CSMD1: variants seen among roughly 807,000 people sequenced by gnomAD.
CSMD1 encodes the protein CUB and sushi domain-containing protein 1.
A neutral mutation model predicts 417.5 loss-of-function variants in CSMD1; 213 were observed. That is an observed-to-expected ratio of 0.51 (90% CI 0.46 to 0.57). CSMD1 has a LOEUF of 0.57. CSMD1 is among the 20% of genes least tolerant of loss of function. The pLI, the probability that CSMD1 is intolerant of heterozygous loss-of-function variation, is 0.00. For synonymous variants in CSMD1, 2,862 were observed against 1,736.8 expected (o/e 1.65, Z -16.11); for missense variants, 6,923 against 4,529.7 (o/e 1.53, Z -15.17).
chr8:3,906,914 T>C (rs1808154276), intron 5 of CSMD1, among the ~76,000 whole-genome samples: 1 of 152,192 alleles, frequency 6.6e-6, no homozygotes, highest in Non-Finnish European at 1.5e-5. Context: ...ATCCTGAACT[T>C]GACAAGTGAA....
At chr8:3,600,246 T>C (rs1031347776) in intron 8 of CSMD1, among the ~76,000 whole-genome samples, 4 of 152,188 alleles carry the variant, frequency 2.6e-5, no homozygotes, top group African/African-American at 9.6e-5. Flanking sequence ...TCCCCATTAG[T>C]ATAAATAGGA....
At position 3,284,150 on chromosome 8, in the gene CSMD1, A is replaced by C. The variant is rs1282729890; in HGVS notation, c.4147T>G (p.Phe1383Val). Residue 1383 changes from phenylalanine to valine, a missense_variant, in exon 26 of 70, where the codon TTC (phenylalanine) becomes GTC (valine). Coordinates refer to ENST00000635120, the MANE Select transcript of CSMD1 (RefSeq NM_033225.6). Reference sequence around the variant, plus strand: ...AGCACGCTGTGCCACCTACTGGAGAACTGGATGGAGAAGCCAGACTTGCTG... The same window carrying C: ...AGCACGCTGTGCCACCTACTGGAGACCTGGATGGAGAAGCCAGACTTGCTG... ...FISKSGFSIQ[F>V]STSIAATCND... The C allele has an allele frequency of 5.8e-6, 9 of 1,562,792 alleles. No homozygotes were observed. Among genetic ancestry groups the C allele is most frequent in the Non-Finnish European group, 7.8e-6 (9 of 1,153,648 alleles).
At chr8:4,444,478 G>T (rs1035292273) in intron 2 of CSMD1, among the ~76,000 whole-genome samples, 1 of 151,228 alleles carries the variant, frequency 6.6e-6, no homozygotes, top group Non-Finnish European at 1.5e-5. Flanking sequence ...GACATAAGCA[G>T]TCGCATTCAA....
At chr8:3,389,695 T>C (rs554050539) in intron 17 of CSMD1, among the ~76,000 whole-genome samples, 1 of 152,024 alleles carries the variant, frequency 6.6e-6, no homozygotes, top group South Asian at 2.1e-4. Flanking sequence ...TTATAAACCA[T>C]AAACTAAACT....
intron 3 of CSMD1, among the ~76,000 whole-genome samples, chr8:4,046,744 T>A (rs1029003327): frequency 1.3e-5 from 2 of 152,218 alleles, no homozygotes; most frequent in African/African-American, 4.8e-5. Flanking sequence ...TTTTTTCTGT[T>A]TCCCCCATAA....
At chr8:3,486,694 G>A (rs1818054166) in intron 11 of CSMD1, among the ~76,000 whole-genome samples, 1 of 152,170 alleles carries the variant, frequency 6.6e-6, no homozygotes, top group Admixed American at 6.5e-5. Context: ...GATTCCTGTG[G>A]GACCTATGGC....
intron 1 of CSMD1, among the ~76,000 whole-genome samples, chr8:4,810,454 G>A (rs985373612): frequency 6.6e-6 from 1 of 152,026 alleles, no homozygotes; most frequent in Non-Finnish European, 1.5e-5. Context: ...TTCTTGCTTT[G>A]CCACCTAGTA....
chr8:4,684,645 G>C (rs1194906364), intron 1 of CSMD1, among the ~76,000 whole-genome samples: 2 of 152,110 alleles, frequency 1.3e-5, no homozygotes, highest in African/African-American at 4.8e-5. Context: ...TGAATGTAAG[G>C]ATTATAAGGC....
intron 1 of CSMD1, among the ~76,000 whole-genome samples, chr8:4,674,600 G>A (rs2130957208): frequency 6.6e-6 from 1 of 152,200 alleles, no homozygotes; most frequent in Middle Eastern, 3.4e-3. Flanking sequence ...AAGCTTTGGT[G>A]CAAATCAGGA....
chr8:3,699,337 GT>G (rs1800722519), intron 7 of CSMD1, among the ~76,000 whole-genome samples: 1 of 152,326 alleles, frequency 6.6e-6, no homozygotes, highest in South Asian at 2.1e-4. Context: ...AAACTAGTGT[GT>G]TTTACTGACA....
In CSMD1 at chr8:4,395,509, A is replaced by G. The variant is rs569485256; in HGVS notation, c.415+24444T>C. On this transcript the variant is annotated intron_variant, in intron 3 of 69. Coordinates refer to ENST00000635120, the MANE Select transcript of CSMD1 (RefSeq NM_033225.6). Reference sequence around the variant, plus strand: ...TACAAATCTCCACCCCTCACTCCCTACACCAGTTCCCCACCTACTGTTTTT... The same window carrying G: ...TACAAATCTCCACCCCTCACTCCCTGCACCAGTTCCCCACCTACTGTTTTT... Among the ~76,000 whole-genome samples, 5 of 151,584 alleles carry G rather than the reference A, an allele frequency of 3.3e-5. No homozygotes were observed. In the South Asian group the frequency reaches 1.0e-3, roughly 32 times the overall value.
In CSMD1 at chr8:2,963,222, G is replaced by C. The variant is rs373359603; in HGVS notation, c.9454C>G (p.Pro3152Ala). 3.7e-6 allele frequency: 6 copies of C among 1,613,816 alleles called. No homozygotes were observed. The Admixed American group carries it at 5.0e-5, about 13-fold the overall frequency. Residue 3152 changes from proline (P) to alanine (A), a missense_variant and splice_region_variant, in exon 60 of 70, where the codon CCT (proline) becomes GCT (alanine). Physicochemically the swap from Pro to Ala is conservative, Grantham distance 27. Coordinates refer to ENST00000635120, the MANE Select transcript of CSMD1 (RefSeq NM_033225.6). ...VWKGEIPQCL[P>A]VFCGDPGIPA... ...GAACAAATTCTGCTGTAGAACTTAC[G>C]GAGACACTGGGGGATCTCTCCTTTC... is the stretch of plus-strand genomic sequence containing the variant.
intron 3 of CSMD1, among the ~76,000 whole-genome samples, chr8:4,371,802 A>C (rs1802412758): frequency 6.6e-6 from 1 of 152,176 alleles, no homozygotes; most frequent in Non-Finnish European, 1.5e-5. Flanking sequence ...ATGTTGTTGG[A>C]CTGCCAAGCA....
At chr8:3,690,862 A>G (rs1268330029) in intron 7 of CSMD1, among the ~76,000 whole-genome samples, 1 of 152,232 alleles carries the variant, frequency 6.6e-6, no homozygotes, top group Non-Finnish European at 1.5e-5. Context: ...CTAATTACCC[A>G]AATACATTGA....
At chr8:3,075,993 G>C (rs1311805847) in intron 49 of CSMD1, among the ~76,000 whole-genome samples, 2 of 151,630 alleles carry the variant, frequency 1.3e-5, no homozygotes, top group African/African-American at 4.8e-5. Flanking sequence ...GCAGCTTGCA[G>C]TGAGCCGAGA....
At chr8:3,756,239 G>C (rs1194164817) in intron 5 of CSMD1, among the ~76,000 whole-genome samples, 1 of 151,718 alleles carries the variant, frequency 6.6e-6, no homozygotes, top group East Asian at 2.0e-4. Context: ...TGTAGTCCCA[G>C]CTACTCGGGA....
chr8:3,663,303 A>C (rs1438995780), intron 7 of CSMD1, among the ~76,000 whole-genome samples: 4 of 152,188 alleles, frequency 2.6e-5, no homozygotes, highest in Non-Finnish European at 5.9e-5. Context: ...TGTGGGCAGT[A>C]GAATATATTT....
At chr8:3,857,828 T>C (rs937500697) in intron 5 of CSMD1, among the ~76,000 whole-genome samples, 2 of 152,216 alleles carry the variant, frequency 1.3e-5, no homozygotes, top group African/African-American at 2.4e-5. Flanking sequence ...GAGCTTATTC[T>C]TTTATAAAAT....
chr8:4,228,361 G>T (rs546950934), intron 3 of CSMD1, among the ~76,000 whole-genome samples: 33 of 152,010 alleles, frequency 2.2e-4, no homozygotes, highest in Non-Finnish European at 3.8e-4. Flanking sequence ...TTCCTTTCCA[G>T]TTTTCCTCTG....
Sources: allele counts gnomAD v4.1 joint callset (sites outside exome capture counted in the v4.1 genomes callset), GRCh38; gene constraint gnomAD v4.1.1; transcripts MANE v1.5; gene names NCBI Gene and HGNC (gene_info 2026-07-23, HGNC 2026-07-21).